Variants in PTPN2 observed in about 807,000 individuals in gnomAD.
PTPN2 encodes protein tyrosine phosphatase non-receptor type 2, also known as tyrosine-protein phosphatase non-receptor type 2.
Under a neutral mutation model 57.3 loss-of-function variants are expected in PTPN2, and 19 were observed. The ratio of observed to expected loss-of-function variants is 0.33; its 90% confidence interval spans 0.23 to 0.49. The LOEUF (loss-of-function observed/expected upper bound fraction) is 0.49, where lower values mean the gene tolerates loss of function less well. PTPN2 is among the 20% of genes least tolerant of loss of function. The probability of loss-of-function intolerance (pLI) is 0.99; values close to 1 mark genes in which losing one functional copy is unlikely to be tolerated. For missense variants in PTPN2, 358 were observed against 501.1 expected, an observed-to-expected ratio of 0.71 and a Z score of 2.73; for synonymous variants, 153 against 164.9, an observed-to-expected ratio of 0.93 and a Z score of 0.55.
At chr18:12,863,934 T>C (rs962546653) in intron 1 of PTPN2, 2 of 152,246 alleles carry the variant, frequency 1.3e-5, no homozygotes, top group Non-Finnish European at 2.9e-5. Flanking sequence ...AGGCAACTCA[T>C]AGCACAAAGA....
At chr18:12,815,495 A>G (rs772267434) in intron 6 of PTPN2, among the ~76,000 whole-genome samples, 1 of 152,180 alleles carries the variant, frequency 6.6e-6, no homozygotes, top group Non-Finnish European at 1.5e-5. Context: ...CAGATCCACG[A>G]TAACACTGCT....
intron 1 of PTPN2, 178 bp downstream of exon 1, chr18:12,883,895 A>G (rs2044759216): frequency 2.1e-6 from 1 of 481,594 alleles, no homozygotes; most frequent in Non-Finnish European, 3.6e-6. Context: ...TTTTTAAACC[A>G]AAAGGAGCAA....
intron 3 of PTPN2, among the ~76,000 whole-genome samples, chr18:12,835,172 C>T (rs1176487986): frequency 2.0e-5 from 3 of 152,002 alleles, no homozygotes; most frequent in Non-Finnish European, 4.4e-5. Context: ...AAATTTTTAA[C>T]TCTAAATAGT....
In PTPN2 at chr18:12,870,247, C is replaced by T. The variant is rs1347206840; in HGVS notation, c.70-10993G>A. On this transcript the variant is annotated intron_variant, in intron 1 of 8. Coordinates refer to ENST00000309660, the MANE Select transcript of PTPN2 (RefSeq NM_002828.4). ...AGCAGATACAGATAGGAATCCAGTA[C>T]TTAACTTTAGCATATATATATATAT... Among the ~76,000 whole-genome samples, 4 of 135,260 alleles carry T rather than the reference C, an allele frequency of 3.0e-5. No individual in the cohort carries two copies. The East Asian group carries it at 6.2e-4, about 21-fold the overall frequency. 88.7% of individuals were successfully genotyped at this position (135,260 alleles called of 152,430 possible). A position where few individuals can be genotyped will look rare whatever the true frequency, so the allele number is the denominator to read the frequency against.
intron 6 of PTPN2, among the ~76,000 whole-genome samples, chr18:12,815,083 CAAAAATAAATAAATAA>C (rs1568103186): frequency 1.7e-5 from 2 of 117,350 alleles, no homozygotes; most frequent in African/African-American, 6.4e-5. Flanking sequence ...GACTCCATCT[CAAAAATAAATAAATAA>C]ATAAATAAAT....
chr18:12,835,819 A>T (rs1379013855), intron 3 of PTPN2, among the ~76,000 whole-genome samples: 1 of 152,106 alleles, frequency 6.6e-6, no homozygotes, highest in Non-Finnish European at 1.5e-5. Flanking sequence ...TACTGAATGG[A>T]GCATTTCTTC....
chr18:12,840,786 T>A (rs1166125201), intron 2 of PTPN2: 2 of 1,598,344 alleles, frequency 1.3e-6, no homozygotes, highest in African/African-American at 1.3e-5. Flanking sequence ...TTTCCATACA[T>A]CCTAAATTCT....
At chr18:12,814,126 G>A in intron 7 of PTPN2, 77 bp downstream of exon 7, 1 of 1,116,998 alleles carries the variant, frequency 9.0e-7, no homozygotes, top group Non-Finnish European at 1.3e-6. Flanking sequence ...AAAGACAAGG[G>A]CTCAAGTGGA....
At chr18:12,825,410 C>G (rs946462858) in intron 5 of PTPN2, among the ~76,000 whole-genome samples, 1 of 152,000 alleles carries the variant, frequency 6.6e-6, no homozygotes, top group Non-Finnish European at 1.5e-5. Flanking sequence ...AGGACAGCCC[C>G]GGAGGGAAGG....
chr18:12,841,022 A>C, intron 2 of PTPN2: 1 of 1,363,814 alleles, frequency 7.3e-7, no homozygotes, highest in Non-Finnish European at 9.6e-7. Flanking sequence ...TAGGGATCTA[A>C]AGGTAAGACA....
At chr18:12,852,151 G>A (rs966824944) in intron 2 of PTPN2, among the ~76,000 whole-genome samples, 6 of 148,180 alleles carry the variant, frequency 4.0e-5, no homozygotes, top group Non-Finnish European at 7.4e-5. Context: ...TAACAATACT[G>A]TTAATATACA....
chr18:12,865,529 G>C (rs989299545), intron 1 of PTPN2, among the ~76,000 whole-genome samples: 2 of 151,850 alleles, frequency 1.3e-5, no homozygotes, highest in African/African-American at 4.8e-5. Context: ...GATCGCCTGA[G>C]GTCAAGAGTT....
chr18:12,877,342 G>T (rs1290207243), intron 1 of PTPN2, among the ~76,000 whole-genome samples: 1 of 152,148 alleles, frequency 6.6e-6, no homozygotes, highest in East Asian at 1.9e-4. Flanking sequence ...AATGAGAGAA[G>T]GGGGAGCATT....
At chr18:12,832,703 GA>G (rs1187848838) in intron 3 of PTPN2, among the ~76,000 whole-genome samples, 1 of 152,126 alleles carries the variant, frequency 6.6e-6, no homozygotes, top group African/African-American at 2.4e-5. Flanking sequence ...AAAAAAAATG[GA>G]TGTAGCAATT....
chr18:12,794,144 T>C lies in PTPN2; in HGVS notation c.*134A>G. ...GAGATGTTGGGCTTGTGACTGTAAA[T>C]ATCACTTATCTGGTTGATGTCTATT... On this transcript the variant is annotated 3_prime_UTR_variant, in exon 9 of 9. Transcript: ENST00000309660. 6.8e-7 allele frequency: 1 copy of C among 1,474,204 alleles called. No homozygotes were observed. 91.3% of individuals were successfully genotyped at this position (1,474,204 alleles called of 1,614,324 possible).
chr18:12,829,837 T>C (rs2042607515), intron 4 of PTPN2, among the ~76,000 whole-genome samples: 1 of 152,166 alleles, frequency 6.6e-6, no homozygotes. Context: ...TGGCTATTAA[T>C]GAAATAAAAA....
Position 12,819,372 on chromosome 18 carries a change from A to C in PTPN2, c.496-2007T>G, listed in dbSNP as rs2042193886. The C allele has an allele frequency of 6.5e-6, 4 of 618,734 alleles. No individual in the cohort carries two copies. In the South Asian group the frequency reaches 6.8e-5, roughly 11 times the overall value. The allele number at this position is 618,734 out of a possible 1,614,324, so 38.3% of individuals were successfully genotyped here. ...ATTTATTTTTAAATTAATTATGGTA[A>C]GTGAACAAAGCCAGACTAAAGGCTA... On this transcript the variant is annotated intron_variant, in intron 5 of 8. Transcript: ENST00000309660.
intron 1 of PTPN2, among the ~76,000 whole-genome samples, chr18:12,871,013 A>T (rs1307316018): frequency 1.3e-5 from 2 of 152,068 alleles, no homozygotes; most frequent in Admixed American, 1.3e-4. Flanking sequence ...GAGACATTCT[A>T]TCCATATATA....
intron 1 of PTPN2, among the ~76,000 whole-genome samples, chr18:12,865,545 C>T (rs1280804104): frequency 6.6e-6 from 1 of 151,596 alleles, no homozygotes; most frequent in African/African-American, 2.4e-5. Flanking sequence ...GAGTTTGAGA[C>T]CAGCCTGGTC....
Sources: gnomAD v4.1 joint callset for allele counts (sites outside exome capture counted in the v4.1 genomes callset) on GRCh38, gnomAD v4.1.1 for gene constraint, MANE v1.5 for transcripts, NCBI Gene and HGNC (gene_info 2026-07-23, HGNC 2026-07-21) for gene names.